TRHDE: variants seen among roughly 807,000 people sequenced by gnomAD.
TRHDE encodes the protein thyrotropin-releasing hormone-degrading ectoenzyme.
A neutral mutation model predicts 125.7 loss-of-function variants in TRHDE; 72 were observed. The observed-to-expected ratio is 0.57, with a 90% CI of 0.47 to 0.70. The LOEUF (loss-of-function observed/expected upper bound fraction) is 0.70. TRHDE is among the 30% of genes least tolerant of loss of function. TRHDE has a pLI of 0.00. For missense variants in TRHDE, 1,110 were observed against 1,327.1 expected, an observed-to-expected ratio of 0.84 and a Z score of 2.54; for synonymous variants, 509 against 509.1, an observed-to-expected ratio of 1.00 and a Z score of 0.00.
At chr12:72,341,796 C>T (rs956044855) in intron 2 of TRHDE, among the ~76,000 whole-genome samples, 1 of 152,182 alleles carries the variant, frequency 6.6e-6, no homozygotes, top group South Asian at 2.1e-4. Context: ...CATGTATCTG[C>T]GGACAAATGT....
chr12:72,471,740 G>A (rs972022446), intron 4 of TRHDE, among the ~76,000 whole-genome samples: 2 of 152,128 alleles, frequency 1.3e-5, no homozygotes, highest in African/African-American at 4.8e-5. Context: ...CATACTGAGA[G>A]CTGTTTTTAT....
In TRHDE at chr12:72,273,164, A is replaced by C; in HGVS notation, c.521A>C (p.Glu174Ala). The change falls in exon 1 of 19, where the codon GAG becomes GCG. Residue 174 changes from glutamate to alanine, a missense_variant. Glu to Ala is a moderately radical substitution (Grantham distance 107). Coordinates refer to ENST00000261180, the MANE Select transcript of TRHDE (RefSeq NM_013381.3). This position sits in a 1 kb window ranked among gnomAD's most constrained non-coding sequence, Gnocchi z 5.3. ...TTSAQPPSEE[E>A]REPWEPWTQL... ...TCGGCCCAGCCGCCGTCGGAGGAGG[A>C]GCGGGAGCCGTGGGAGCCGTGGACG... 6.3e-7 allele frequency: 1 copy of C among 1,584,590 alleles called. No individual in the cohort carries two copies. Among genetic ancestry groups the C allele is most frequent in the South Asian group, 1.1e-5 (1 of 88,398 alleles).
At position 72,273,361 on chromosome 12, in the gene TRHDE, G is replaced by A; in HGVS notation, c.718G>A (p.Ala240Thr). The A allele has an allele frequency of 6.2e-7, 1 of 1,614,124 alleles. No individual in the cohort carries two copies. Among genetic ancestry groups the A allele is most frequent in the Non-Finnish European group, 8.5e-7 (1 of 1,180,034 alleles). The change falls in exon 1 of 19, where the codon GCC becomes ACC. Residue 240 changes from alanine to threonine, a missense_variant. Physicochemically the swap from Ala to Thr is moderately conservative, Grantham distance 58. Around this residue, in one of 5 missense-constraint regions of TRHDE, gnomAD observed 72 missense variants for 122.2 expected, o/e 0.59. Coordinates refer to ENST00000261180, the MANE Select transcript of TRHDE (RefSeq NM_013381.3). This position sits in a 1 kb window ranked among gnomAD's most constrained non-coding sequence, Gnocchi z 5.3. ...SRVAVEKVQLAEDRAFGAVPV... is the reference protein window; with the variant it reads ...SRVAVEKVQLTEDRAFGAVPV... ...AGTGGCGGTGGAGAAAGTGCAGCTGGCCGAGGACCGGGCGTTCGGGGCTGT... is the reference window on the plus strand; with the variant it reads ...AGTGGCGGTGGAGAAAGTGCAGCTGACCGAGGACCGGGCGTTCGGGGCTGT...
At chr12:72,519,961 G>C (rs1879097800) in intron 6 of TRHDE, among the ~76,000 whole-genome samples, 1 of 152,194 alleles carries the variant, frequency 6.6e-6, no homozygotes, top group Admixed American at 6.5e-5. Context: ...TTGGGGGTCA[G>C]GGGTCAGGGA....
At chr12:72,602,046 C>T (rs1005268175) in intron 12 of TRHDE, among the ~76,000 whole-genome samples, 2 of 152,042 alleles carry the variant, frequency 1.3e-5, no homozygotes, top group Admixed American at 6.6e-5. Flanking sequence ...AATTGAATAT[C>T]CTATCAGAGC....
intron 12 of TRHDE, among the ~76,000 whole-genome samples, chr12:72,593,347 G>T (rs577485250): frequency 6.6e-6 from 1 of 152,282 alleles, no homozygotes; most frequent in East Asian, 1.9e-4. Context: ...TTAAATGTAA[G>T]AGTTGGAATT....
chr12:72,497,052 C>G (rs1234564000), intron 5 of TRHDE, among the ~76,000 whole-genome samples: 2 of 151,906 alleles, frequency 1.3e-5, no homozygotes, highest in Non-Finnish European at 2.9e-5. Flanking sequence ...TCTTTGTTCC[C>G]CCTCTCTCTT....
At chr12:72,256,156 T>G (rs1168014646) in intron 2 of TRHDE, 2 of 152,204 alleles carry the variant, frequency 1.3e-5, no homozygotes, top group Non-Finnish European at 2.9e-5. Flanking sequence ...AAGTCAACTT[T>G]TATCAGTTGC....
chr12:72,114,229 G>A (rs958759752), intron 2 of TRHDE, among the ~76,000 whole-genome samples: 3 of 117,928 alleles, frequency 2.5e-5, no homozygotes, highest in Non-Finnish European at 5.6e-5. Flanking sequence ...AATATTTCAC[G>A]GGCACCTCAA....
At chr12:72,332,264 A>C (rs1869635486) in intron 2 of TRHDE, among the ~76,000 whole-genome samples, 1 of 152,062 alleles carries the variant, frequency 6.6e-6, no homozygotes, top group Non-Finnish European at 1.5e-5. Flanking sequence ...TCAGCCTCCC[A>C]AGTAGCTGGG....
chr12:72,411,080 G>A (rs895671963), intron 3 of TRHDE, among the ~76,000 whole-genome samples: 3 of 151,730 alleles, frequency 2.0e-5, no homozygotes, highest in Admixed American at 6.6e-5. Context: ...GCAGGCACCT[G>A]TAGTCCCAGC....
At position 72,273,795 on chromosome 12, in the gene TRHDE, C is replaced by T. The variant is rs546845742; in HGVS notation, c.914+238C>T. 695 of 517,698 alleles carry T rather than the reference C, an allele frequency of 1.3e-3. 1 individual carries two copies. The highest frequency in any genetic ancestry group is 1.9e-3 in the Non-Finnish European group (547 of 289,644). The allele number at this position is 517,698 out of a possible 1,614,324, so 32.1% of individuals were successfully genotyped here. A position where few individuals can be genotyped will look rare whatever the true frequency, so the allele number is the denominator to read the frequency against. ...CGGTGCCAAAAGATGAATGCTGCCC[C>T]CTCCTCTAGTCGGGACCTCTCCTCT... On this transcript the variant is annotated intron_variant, in intron 1 of 18. Coordinates refer to ENST00000261180, the MANE Select transcript of TRHDE (RefSeq NM_013381.3). This position sits in a 1 kb window ranked among gnomAD's most constrained non-coding sequence, Gnocchi z 5.3.
At chr12:72,594,263 A>G (rs1392626293) in intron 12 of TRHDE, among the ~76,000 whole-genome samples, 2 of 152,074 alleles carry the variant, frequency 1.3e-5, no homozygotes, top group African/African-American at 4.8e-5. Flanking sequence ...TCTGATGGCC[A>G]GTGATGATGA....
At chr12:72,614,634 G>A (rs1227383240) in intron 12 of TRHDE, among the ~76,000 whole-genome samples, 1 of 151,996 alleles carries the variant, frequency 6.6e-6, no homozygotes, top group Non-Finnish European at 1.5e-5. Flanking sequence ...GGCTTTAAAT[G>A]AATATTCAGT....
chr12:72,163,701 G>A (rs1194956681), intron 2 of TRHDE, among the ~76,000 whole-genome samples: 1 of 152,178 alleles, frequency 6.6e-6, no homozygotes, highest in Non-Finnish European at 1.5e-5. Flanking sequence ...GGCGGCTTAA[G>A]CTAAATGAAA....
At chr12:72,240,553 T>G (rs549159077) in intron 2 of TRHDE, among the ~76,000 whole-genome samples, 1 of 151,894 alleles carries the variant, frequency 6.6e-6, no homozygotes, top group South Asian at 2.1e-4. Flanking sequence ...TTTTGCTTCC[T>G]TTCTTTCTCC....
intron 3 of TRHDE, among the ~76,000 whole-genome samples, chr12:72,414,633 T>A (rs746284800): frequency 6.6e-6 from 1 of 152,090 alleles, no homozygotes; most frequent in Non-Finnish European, 1.5e-5. Context: ...AGGCTATTAA[T>A]TACTATAATA....
At chr12:72,247,992 T>C (rs1351106721) in intron 2 of TRHDE, among the ~76,000 whole-genome samples, 1 of 152,196 alleles carries the variant, frequency 6.6e-6, no homozygotes, top group Admixed American at 6.5e-5. Flanking sequence ...TAATTAATCA[T>C]CTGTCTCAGT....
At chr12:72,619,150 T>G in intron 13 of TRHDE, 112 bp downstream of exon 13, 1 of 814,910 alleles carries the variant, frequency 1.2e-6, no homozygotes, top group Non-Finnish European at 1.7e-6. Flanking sequence ...TCTTCTAGTT[T>G]GTGTTATCCC....
Sources: gnomAD v4.1 joint callset for allele counts (sites outside exome capture counted in the v4.1 genomes callset) on GRCh38, gnomAD v4.1.1 for gene constraint, gnomAD v4.1.1 regional missense constraint, Gnocchi (gnomAD v3.1) non-coding constraint, MANE v1.5 for transcripts, NCBI Gene and HGNC (gene_info 2026-07-23, HGNC 2026-07-21) for gene names.